Variants in FAM184A observed in about 807,000 individuals in gnomAD.
The protein encoded by FAM184A is family with sequence similarity 184 member A.
Under a neutral mutation model 143.8 loss-of-function variants are expected in FAM184A, and 99 were observed. The ratio of observed to expected loss-of-function variants is 0.69; its 90% CI spans 0.58 to 0.81. FAM184A has a LOEUF of 0.81. FAM184A is among the 40% of genes least tolerant of loss of function. The pLI is 0.00. For missense variants in FAM184A, 1,217 were observed against 1,310.5 expected (o/e 0.93, Z 1.10); for synonymous variants, 427 against 446.4 (o/e 0.96, Z 0.55).
At chr6:119,059,170 G>T (rs974004474) in intron 1 of FAM184A, among the ~76,000 whole-genome samples, 1 of 151,756 alleles carries the variant, frequency 6.6e-6, no homozygotes. Flanking sequence ...TAGAGATGAG[G>T]TCTCACACTA....
At chr6:118,976,766 A>G (rs897211684) in intron 11 of FAM184A, among the ~76,000 whole-genome samples, 13 of 152,146 alleles carry the variant, frequency 8.5e-5, no homozygotes, top group African/African-American at 1.7e-4. Context: ...AATATCCCTA[A>G]AGGAGCCTGG....
At chr6:119,119,079 G>A (rs1034297694) in intron 1 of FAM184A, among the ~76,000 whole-genome samples, 1 of 152,082 alleles carries the variant, frequency 6.6e-6, no homozygotes, top group African/African-American at 2.4e-5. Context: ...CTCCCATAGC[G>A]CCCCCAGGCT....
chr6:119,047,086 C>T (rs866879297), intron 1 of FAM184A, among the ~76,000 whole-genome samples: 4 of 152,082 alleles, frequency 2.6e-5, no homozygotes, highest in Middle Eastern at 3.2e-3. Context: ...ATAGACATTT[C>T]TCAACAGAAG....
chr6:119,055,541 C>T (rs564577088), intron 1 of FAM184A, among the ~76,000 whole-genome samples: 7 of 152,284 alleles, frequency 4.6e-5, no homozygotes, highest in South Asian at 4.1e-4. Flanking sequence ...TCTCCACATC[C>T]GTGGCAACAC....
chr6:119,101,783 C>T (rs1488184199), intron 1 of FAM184A, among the ~76,000 whole-genome samples: 1 of 152,064 alleles, frequency 6.6e-6, no homozygotes, highest in Non-Finnish European at 1.5e-5. Context: ...AGGCTGGGTG[C>T]GGTGACTCAC....
chr6:118,970,004 A>AT lies in FAM184A; in HGVS notation c.2916-3053dup, dbSNP rs1250453977. ...GTGTATATATATATAATATATATATATATATTTTTTTTTTTTTGAGATGGA... is the reference window on the plus strand; with the variant it reads ...GTGTATATATATATAATATATATATATTATATTTTTTTTTTTTTGAGATGGA... On this transcript the variant is annotated intron_variant, in intron 14 of 17. Coordinates refer to ENST00000338891, the MANE Select transcript of FAM184A (RefSeq NM_024581.6). 1.3e-4 allele frequency among the ~76,000 whole-genome samples: 3 copies of AT among 22,984 alleles called. 1 individual carries two copies. Among genetic ancestry groups the AT allele is most frequent in the Admixed American group, 5.8e-4 (1 of 1,734 alleles). 15.1% of individuals were successfully genotyped at this position (22,984 alleles called of 152,430 possible). A position where few individuals can be genotyped will look rare whatever the true frequency, so the allele number is the denominator to read the frequency against.
At chr6:119,060,458 G>C (rs1321595970) in intron 1 of FAM184A, among the ~76,000 whole-genome samples, 1 of 152,166 alleles carries the variant, frequency 6.6e-6, no homozygotes, top group Non-Finnish European at 1.5e-5. Context: ...AATGAAAACA[G>C]ACATGATGAA....
chr6:118,998,402 T>C (rs1254303906), intron 9 of FAM184A, among the ~76,000 whole-genome samples: 2 of 152,234 alleles, frequency 1.3e-5, no homozygotes, highest in African/African-American at 2.4e-5. Flanking sequence ...GGAACAGTTT[T>C]AGGTGCTGGG....
In FAM184A at chr6:119,123,191, C is replaced by A. The variant is rs868503277; in HGVS notation, c.-202+25887G>T. ...TCACTTGAGGTCAGAAATTTTGAGACCAGCCTGGCCAACATGGTGAAACCC... is the reference window on the plus strand; with the variant it reads ...TCACTTGAGGTCAGAAATTTTGAGAACAGCCTGGCCAACATGGTGAAACCC... On this transcript the variant is annotated intron_variant, in intron 1 of 16. Transcript: ENST00000352896. Among the ~76,000 whole-genome samples the A allele has an allele frequency of 9.9e-5, 15 of 151,980 alleles. No homozygotes were observed. The Middle Eastern group carries it at 0.014, about 138-fold the overall frequency.
At chr6:119,017,497 CA>C (rs539884989) in intron 4 of FAM184A, among the ~76,000 whole-genome samples, 9,658 of 120,764 alleles carry the variant, frequency 0.08, 783 homozygotes, top group African/African-American at 0.23. Flanking sequence ...GACTCCATCT[CA>C]AAAAAAAAAA....
chr6:118,960,904 ATAT>A (rs767486792), intron 17 of FAM184A: 5 of 1,120,090 alleles, frequency 4.5e-6, no homozygotes, highest in Non-Finnish European at 3.7e-6. Flanking sequence ...GCAACACAAA[ATAT>A]TTAGCAGGAG....
Position 119,006,182 on chromosome 6 carries a change from A to T in FAM184A, c.1815+265T>A, listed in dbSNP as rs771386774. ...ATGCCTGGTGCTACCAGAAGCTGGA[A>T]AATACAAGGACGGATCTTCCCTTAG... On this transcript the variant is annotated intron_variant, in intron 7 of 17. Transcript: ENST00000338891. 6 of 765,274 alleles carry T rather than the reference A, an allele frequency of 7.8e-6. No individual in the cohort carries two copies. The African/African-American group carries it at 1.0e-4, about 13-fold the overall frequency. 47.4% of individuals were successfully genotyped at this position (765,274 alleles called of 1,614,324 possible).
At chr6:119,058,661 T>C (rs903282218) in intron 1 of FAM184A, among the ~76,000 whole-genome samples, 1 of 152,334 alleles carries the variant, frequency 6.6e-6, no homozygotes, top group South Asian at 2.1e-4. Flanking sequence ...GGTGCTGCCA[T>C]GCTATGAAAA....
At chr6:118,987,041 T>C (rs995612496) in intron 9 of FAM184A, among the ~76,000 whole-genome samples, 1 of 152,226 alleles carries the variant, frequency 6.6e-6, no homozygotes, top group Non-Finnish European at 1.5e-5. Context: ...AATTTTTATT[T>C]TCTTGCATAG....
intron 11 of FAM184A, among the ~76,000 whole-genome samples, chr6:118,978,442 G>A (rs763635047): frequency 6.6e-6 from 1 of 152,188 alleles, no homozygotes; most frequent in Non-Finnish European, 1.5e-5. Flanking sequence ...TGCAAAGACA[G>A]GGCAGTAGTT....
intron 9 of FAM184A, among the ~76,000 whole-genome samples, chr6:118,985,248 G>C (rs1001124760): frequency 6.6e-6 from 1 of 152,188 alleles, no homozygotes; most frequent in Non-Finnish European, 1.5e-5. Context: ...AGTGCTTAAT[G>C]TCCATAGCAG....
rs1784924521 is a variant in FAM184A at position 119,006,520 on chromosome 6, T to C, written c.1742A>G (p.Glu581Gly). 6.2e-7 allele frequency: 1 copy of C among 1,614,102 alleles called. No individual in the cohort carries two copies. Among genetic ancestry groups the C allele is most frequent in the East Asian group, 2.2e-5 (1 of 44,872 alleles). ...CAAGTCAAGCTCATTCTGAAGCCTTTCCTGGGAGTCCTGAAGACTAGCAAT... is the reference window on the plus strand; with the variant it reads ...CAAGTCAAGCTCATTCTGAAGCCTTCCCTGGGAGTCCTGAAGACTAGCAAT... ...GLIASLQDSQ[E>G]RLQNELDLTK... The change falls in exon 7 of 18, where the codon GAA (glutamate) becomes GGA (glycine). Residue 581 changes from glutamate (E) to glycine (G), a missense_variant. Physicochemically the swap from Glu to Gly is moderately conservative, Grantham distance 98. Coordinates refer to ENST00000338891, the MANE Select transcript of FAM184A (RefSeq NM_024581.6).
chr6:119,070,808 T>C (rs1488635634), intron 1 of FAM184A, among the ~76,000 whole-genome samples: 1 of 152,082 alleles, frequency 6.6e-6, no homozygotes, highest in East Asian at 1.9e-4. Flanking sequence ...AAACTTCCTG[T>C]GGTGAATAAA....
chr6:119,129,279 G>A (rs1789462871), intron 1 of FAM184A, among the ~76,000 whole-genome samples: 1 of 152,318 alleles, frequency 6.6e-6, no homozygotes, highest in African/African-American at 2.4e-5. Context: ...GAGGATCTGT[G>A]GCTGGGCAGA....
Sources: gnomAD v4.1 joint callset for allele counts (sites outside exome capture counted in the v4.1 genomes callset) on GRCh38, gnomAD v4.1.1 for gene constraint, MANE v1.5 for transcripts, NCBI Gene and HGNC (gene_info 2026-07-23, HGNC 2026-07-21) for gene names.